Variants in TRPC1 observed in about 807,000 individuals in gnomAD.
The protein encoded by TRPC1 is transient receptor potential cation channel subfamily C member 1, also known as short transient receptor potential channel 1.
Under a neutral mutation model 88.2 loss-of-function variants are expected in TRPC1, and 42 were observed. The observed-to-expected ratio is 0.48, with a 90% CI of 0.37 to 0.62. The LOEUF (loss-of-function observed/expected upper bound fraction) is 0.62. Ranked by LOEUF, TRPC1 falls within the 20% of genes least tolerant of loss-of-function variation. The probability of loss-of-function intolerance (pLI) is 0.00; values close to 1 mark genes in which losing one functional copy is unlikely to be tolerated. For synonymous variants in TRPC1, 288 were observed against 331.8 expected (o/e 0.87, Z 1.43); for missense variants, 699 against 957.3 (o/e 0.73, Z 3.56).
chr3:142,799,113 C>A (rs72990750), intron 9 of TRPC1, among the ~76,000 whole-genome samples: 3,155 of 152,152 alleles, frequency 0.021, 108 homozygotes, highest in African/African-American at 0.072. Context: ...ACATTAATAG[C>A]ATTTGGTGCT....
intron 4 of TRPC1, among the ~76,000 whole-genome samples, chr3:142,758,886 T>G (rs1935081111): frequency 7.1e-6 from 1 of 141,446 alleles, no homozygotes; most frequent in African/African-American, 2.6e-5. Flanking sequence ...CCAAGTGTTC[T>G]CATTGTTCAA....
At chr3:142,799,392 G>A (rs1407178684) in intron 9 of TRPC1, among the ~76,000 whole-genome samples, 1 of 152,082 alleles carries the variant, frequency 6.6e-6, no homozygotes, top group East Asian at 1.9e-4. Context: ...TAAATTTACT[G>A]TTTTTAATAT....
chr3:142,733,941 TA>T (rs1934030042), intron 1 of TRPC1, among the ~76,000 whole-genome samples: 1 of 152,136 alleles, frequency 6.6e-6, no homozygotes, highest in African/African-American at 2.4e-5. Flanking sequence ...TTAATGCCCA[TA>T]TGAGAACAGG....
chr3:142,795,831 C>T (rs7639403), intron 9 of TRPC1, among the ~76,000 whole-genome samples: 52,943 of 151,892 alleles, frequency 0.35, 12,708 homozygotes, highest in African/African-American at 0.69. Context: ...GCTAAATAGA[C>T]AGGCATTTTT....
chr3:142,764,017 A>ATAT (rs1560105103), intron 4 of TRPC1, among the ~76,000 whole-genome samples: 7 of 108,856 alleles, frequency 6.4e-5, no homozygotes, highest in African/African-American at 3.0e-4. Context: ...TATATATATA[A>ATAT]CAAATTATTT....
At chr3:142,778,660 T>C (rs932428596) in intron 5 of TRPC1, among the ~76,000 whole-genome samples, 2 of 152,324 alleles carry the variant, frequency 1.3e-5, no homozygotes, top group East Asian at 3.9e-4. Flanking sequence ...TTTTCTTTCC[T>C]ATACGGCTGC....
intron 7 of TRPC1, among the ~76,000 whole-genome samples, chr3:142,787,077 C>T (rs1224858272): frequency 6.6e-6 from 1 of 152,148 alleles, no homozygotes; most frequent in Non-Finnish European, 1.5e-5. Context: ...TACATGGGTA[C>T]CCCCTTACAC....
intron 11 of TRPC1, 111 bp from the exon 12 acceptor site, chr3:142,804,325 T>C: frequency 8.6e-7 from 1 of 1,157,260 alleles, no homozygotes; most frequent in Non-Finnish European, 1.2e-6. Flanking sequence ...GTAAGTAATG[T>C]ATAATAATTG....
At chr3:142,790,141 A>G (rs1936251453) in intron 7 of TRPC1, among the ~76,000 whole-genome samples, 1 of 152,118 alleles carries the variant, frequency 6.6e-6, no homozygotes, top group Non-Finnish European at 1.5e-5. Flanking sequence ...GTAGTTAGTC[A>G]AATGGATCTC....
chr3:142,761,609 C>T (rs1371377647), intron 4 of TRPC1, among the ~76,000 whole-genome samples: 1 of 151,944 alleles, frequency 6.6e-6, no homozygotes, highest in Admixed American at 6.6e-5. Flanking sequence ...GGAAGCATTC[C>T]CTCCTTTTCA....
chr3:142,741,550 A>AT (rs1934350025), intron 2 of TRPC1, among the ~76,000 whole-genome samples: 1 of 152,152 alleles, frequency 6.6e-6, no homozygotes, highest in African/African-American at 2.4e-5. Context: ...CTGTACTGGT[A>AT]TTTAATCTTT....
chr3:142,806,281 A>T lies in TRPC1; in HGVS notation c.*46A>T. 1 of 1,457,118 alleles carries T rather than the reference A, an allele frequency of 6.9e-7. No individual in the cohort carries two copies. The highest frequency in any genetic ancestry group is 9.5e-7 in the Non-Finnish European group (1 of 1,055,736). The allele number at this position is 1,457,118 out of a possible 1,614,324, so 90.3% of individuals were successfully genotyped here. A position where few individuals can be genotyped will look rare whatever the true frequency, so the allele number is the denominator to read the frequency against. ...CGAATAATTTTCAATAACAGATCCAAAAGACTATATTGCATAACTTGCAAT... is the reference window on the plus strand; with the variant it reads ...CGAATAATTTTCAATAACAGATCCATAAGACTATATTGCATAACTTGCAAT... On this transcript the variant is annotated 3_prime_UTR_variant, in exon 13 of 13. Coordinates refer to ENST00000476941, the MANE Select transcript of TRPC1 (RefSeq NM_001251845.2).
At position 142,767,654 on chromosome 3, in the gene TRPC1, C is replaced by T. The variant is rs1184020829; in HGVS notation, c.633-9978C>T. Among the ~76,000 whole-genome samples, 1 of 149,828 alleles carries T rather than the reference C, an allele frequency of 6.7e-6. No homozygotes were observed. The highest frequency in any genetic ancestry group is 1.5e-5 in the Non-Finnish European group (1 of 67,510). ...TATATATCATAAGTGTACATTTCAGCTCTTAGGATATTCACAAAGTTGTGC... is the reference window on the plus strand; with the variant it reads ...TATATATCATAAGTGTACATTTCAGTTCTTAGGATATTCACAAAGTTGTGC... On this transcript the variant is annotated intron_variant, in intron 4 of 12. Coordinates refer to ENST00000476941, the MANE Select transcript of TRPC1 (RefSeq NM_001251845.2). This position sits in a 1 kb window ranked among gnomAD's most constrained non-coding sequence, Gnocchi z 5.1.
intron 5 of TRPC1, among the ~76,000 whole-genome samples, chr3:142,779,044 G>A (rs1935874186): frequency 6.6e-6 from 1 of 152,108 alleles, no homozygotes; most frequent in Non-Finnish European, 1.5e-5. Flanking sequence ...ACTTCCTATT[G>A]TAACCTCATA....
intron 1 of TRPC1, among the ~76,000 whole-genome samples, chr3:142,733,570 T>C (rs936048197): frequency 7.2e-5 from 11 of 152,178 alleles, no homozygotes; most frequent in Non-Finnish European, 1.3e-4. Context: ...TGTACTTTCC[T>C]TTTTAACAGC....
chr3:142,769,644 AAG>A (rs1935508839), intron 4 of TRPC1, among the ~76,000 whole-genome samples: 2 of 152,106 alleles, frequency 1.3e-5, no homozygotes, highest in Admixed American at 6.5e-5. Flanking sequence ...TCAATTATTT[AAG>A]AGTGTGTTGT....
intron 5 of TRPC1, among the ~76,000 whole-genome samples, chr3:142,779,244 AGC>A (rs1935881066): frequency 6.6e-6 from 1 of 152,224 alleles, no homozygotes; most frequent in Non-Finnish European, 1.5e-5. Flanking sequence ...TTTTACTAAT[AGC>A]AGCATCTAAT....
intron 2 of TRPC1, among the ~76,000 whole-genome samples, chr3:142,739,136 G>A (rs767735607): frequency 6.6e-5 from 10 of 151,956 alleles, no homozygotes; most frequent in Non-Finnish European, 1.5e-4. Context: ...CATCACGCCC[G>A]GCTAATTTTG....
intron 12 of TRPC1, among the ~76,000 whole-genome samples, chr3:142,805,279 A>G (rs76560578): frequency 0.082 from 12,475 of 152,082 alleles, 813 homozygotes; most frequent in African/African-American, 0.18. Context: ...GAAATATTCA[A>G]AATACCCATT....
Sources: gnomAD v4.1 joint callset for allele counts (sites outside exome capture counted in the v4.1 genomes callset) on GRCh38, gnomAD v4.1.1 for gene constraint, Gnocchi (gnomAD v3.1) non-coding constraint, MANE v1.5 for transcripts, NCBI Gene and HGNC (gene_info 2026-07-23, HGNC 2026-07-21) for gene names.